Variants in PCIF1 observed in about 807,000 individuals in gnomAD.
The protein encoded by PCIF1 is mRNA (2'-O-methyladenosine-N(6)-)-methyltransferase.
PCIF1 carries 12 observed loss-of-function variants against 86.9 expected under a neutral mutation model. The observed-to-expected ratio is 0.14, with a 90% CI of 0.09 to 0.22. PCIF1 has a LOEUF of 0.22. Ranked by LOEUF, PCIF1 falls within the 10% of genes least tolerant of loss-of-function variation. The pLI, the probability that PCIF1 is intolerant of heterozygous loss-of-function variation, is 1.00. For synonymous variants in PCIF1, 397 were observed against 372.0 expected, an observed-to-expected ratio of 1.07 and a Z score of -0.77; for missense variants, 701 against 951.1, an observed-to-expected ratio of 0.74 and a Z score of 3.46.
Position 45,947,979 on chromosome 20 carries a change from A to T in PCIF1, c.*224A>T. ...CAACCCCGCCCCTCACCCTGTTGCC[A>T]CCTTGTTTCATTTGTAAAAGGAAAT... On this transcript the variant is annotated 3_prime_UTR_variant, in exon 17 of 17. Coordinates refer to ENST00000372409, the MANE Select transcript of PCIF1 (RefSeq NM_022104.4). This position sits in a 1 kb window ranked among gnomAD's most constrained non-coding sequence, Gnocchi z 5.4. The T allele has an allele frequency of 1.3e-6, 2 of 1,525,284 alleles. No individual in the cohort carries two copies. The highest frequency in any genetic ancestry group is 1.8e-6 in the Non-Finnish European group (2 of 1,139,988). The allele number at this position is 1,525,284 out of a possible 1,614,324, so 94.5% of individuals were successfully genotyped here. A position where few individuals can be genotyped will look rare whatever the true frequency, so the allele number is the denominator to read the frequency against.
rs2083448017 is a variant in PCIF1, at chr20:45,939,039, T to A, written c.40T>A (p.Ser14Thr). 6.2e-7 allele frequency: 1 copy of A among 1,613,664 alleles called. No homozygotes were observed. Residue 14 changes from serine to threonine, a missense_variant, in exon 3 of 17, where the codon TCC becomes ACC. Transcript: ENST00000372409. Reference sequence around the variant, plus strand: ...TCACGGCAGCCCCCGGGAGGAAGCGTCCCTGCTGAGTCACTCCCCAGGTAC... The same window carrying A: ...TCACGGCAGCCCCCGGGAGGAAGCGACCCTGCTGAGTCACTCCCCAGGTAC... ...ENHGSPREEA[S>T]LLSHSPGTSN... is the part of the protein sequence containing the mutation.
In PCIF1 at chr20:45,940,501, C is replaced by T. The variant is rs2083459896; in HGVS notation, c.276C>T (p.Thr92=). The change falls in exon 5 of 17, where the codon ACC becomes ACT. Residue 92 remains threonine (T), a synonymous_variant. Transcript: ENST00000372409. ...CGGACCCTTTGGGGCTGAATGCGAC[C>T]CCACTGCCCCAAGACTCAAGCTTGG... The part of the protein sequence containing the change: ...VISDPLGLNA[T]PLPQDSSLVE... The T allele has an allele frequency of 6.2e-7, 1 of 1,607,342 alleles. No homozygotes were observed. The highest frequency in any genetic ancestry group is 8.5e-7 in the Non-Finnish European group (1 of 1,176,634).
intron 2 of PCIF1, among the ~76,000 whole-genome samples, chr20:45,938,492 T>C (rs974048780): frequency 6.6e-6 from 1 of 152,156 alleles, no homozygotes; most frequent in East Asian, 1.9e-4. Context: ...GCTTTGTAAA[T>C]ATTTGCAGAA....
chr20:45,940,782 T>A, intron 5 of PCIF1, 27 bp from the exon 6 acceptor site: 1 of 1,609,792 alleles, frequency 6.2e-7, no homozygotes, highest in Non-Finnish European at 8.5e-7. Flanking sequence ...ATCTCCTGAC[T>A]TGACACCTTT....
intron 5 of PCIF1, 91 bp downstream of exon 5, chr20:45,940,703 C>T (rs966572237): frequency 2.0e-5 from 31 of 1,568,384 alleles, no homozygotes; most frequent in South Asian, 5.9e-5. Flanking sequence ...ATTGGCAGGC[C>T]AGCCAGGAGG....
At chr20:45,941,371 A>G (rs374205124) in intron 7 of PCIF1, among the ~76,000 whole-genome samples, 164 bp downstream of exon 7, 31 of 152,242 alleles carry the variant, frequency 2.0e-4, no homozygotes, top group African/African-American at 6.5e-4. Flanking sequence ...CTTTCAAAAA[A>G]ACAAGAGTAT....
chr20:45,945,139 A>C (rs1600508572), intron 11 of PCIF1, 109 bp downstream of exon 11: 1 of 1,292,386 alleles, frequency 7.7e-7, no homozygotes. Context: ...TTGGGGCAGA[A>C]CCTGCCTGTG....
At chr20:45,941,960 C>CTTTT (rs74176836) in intron 7 of PCIF1, among the ~76,000 whole-genome samples, 3 of 136,668 alleles carry the variant, frequency 2.2e-5, no homozygotes, top group Non-Finnish European at 4.7e-5. Context: ...GGCCTTTCAC[C>CTTTT]TTTTTTTTTT....
rs2083450199 is a variant in PCIF1, at chr20:45,939,267, T to G, written c.177T>G (p.Arg59=). Residue 59 remains arginine (R), a synonymous_variant, in exon 4 of 17, where the codon CGT becomes CGG. Coordinates refer to ENST00000372409, the MANE Select transcript of PCIF1 (RefSeq NM_022104.4). Reference sequence around the variant, plus strand: ...AGTGCTGGAGCCGGAGGGAGAATCGTCCCTACTACTTCAACCGATTCACCA... The same window carrying G: ...AGTGCTGGAGCCGGAGGGAGAATCGGCCCTACTACTTCAACCGATTCACCA... ...WEKCWSRREN[R]PYYFNRFTNQ... The G allele has an allele frequency of 6.2e-7, 1 of 1,613,538 alleles. No homozygotes were observed. Among genetic ancestry groups the G allele is most frequent in the Non-Finnish European group, 8.5e-7 (1 of 1,179,986 alleles).
At chr20:45,938,950 A>T (rs1332307385) in intron 2 of PCIF1, 31 bp from the exon 3 acceptor site, 1 of 1,607,958 alleles carries the variant, frequency 6.2e-7, no homozygotes, top group Non-Finnish European at 8.5e-7. Flanking sequence ...GAGGGGGTGG[A>T]GCTGACACTC....
intron 7 of PCIF1, among the ~76,000 whole-genome samples, chr20:45,941,939 T>C (rs896133785): frequency 1.2e-4 from 18 of 151,386 alleles, no homozygotes; most frequent in African/African-American, 4.4e-4. Flanking sequence ...TGCTCAAATA[T>C]AGAATCCTCT....
At position 45,945,833 on chromosome 20, in the gene PCIF1, C is replaced by T. The variant is rs779288740; in HGVS notation, c.1291C>T (p.Arg431Trp). The stretch of plus-strand genomic sequence containing the variant: ...CATGGAGAACAACGTGGTCTGCATC[C>T]GGTATAAGGGAGAGATGGTCAAGGT... The part of the protein sequence containing the change: ...MHMENNVVCI[R>W]YKGEMVKVSR... Residue 431 changes from arginine (R) to tryptophan (W), a missense_variant, in exon 12 of 17, where the codon CGG becomes TGG. Physicochemically the swap from Arg to Trp is moderately radical, Grantham distance 101. Coordinates refer to ENST00000372409, the MANE Select transcript of PCIF1 (RefSeq NM_022104.4). 14 of 1,613,644 alleles carry T rather than the reference C, an allele frequency of 8.7e-6. No homozygotes were observed. In the East Asian group the frequency reaches 8.9e-5, roughly 10 times the overall value.
Position 45,947,928 on chromosome 20 carries a change from C to T in PCIF1, c.*173C>T, listed in dbSNP as rs1245015409. The T allele has an allele frequency of 1.3e-6, 2 of 1,533,774 alleles. No homozygotes were observed. Among genetic ancestry groups the T allele is most frequent in the East Asian group, 2.4e-5 (1 of 40,866 alleles). ...CTCACCTCAAACTCCCTCCAAGTCC[C>T]ATGTATATAGGTCCTGATGCCTTCC... On this transcript the variant is annotated 3_prime_UTR_variant, in exon 17 of 17. Transcript: ENST00000372409. This position sits in a 1 kb window ranked among gnomAD's most constrained non-coding sequence, Gnocchi z 5.4.
chr20:45,945,048 G>A lies in PCIF1; in HGVS notation c.1168+18G>A. On this transcript the variant is annotated intron_variant, in intron 11 of 16. Transcript: ENST00000372409. ...CATCTCAGGTAGGGGAAAGGTGAAG[G>A]AGGAGCCAGCTGTGATGCCGTCAGC... 6.3e-7 allele frequency: 1 copy of A among 1,582,738 alleles called. No homozygotes were observed. Among genetic ancestry groups the A allele is most frequent in the African/African-American group, 1.4e-5 (1 of 69,064 alleles).
chr20:45,939,653 T>C (rs2083453767), intron 4 of PCIF1, among the ~76,000 whole-genome samples: 2 of 152,188 alleles, frequency 1.3e-5, no homozygotes, highest in African/African-American at 2.4e-5. Flanking sequence ...ATTACACTTG[T>C]GGTCCGTGTA....
Position 45,943,826 on chromosome 20 carries a change from A to AGTG in PCIF1, c.1005+62_1005+63insTGG. ...GGCTCTGTGGCCACTTCCTCCAGGA[A>AGTG]GCCTACTCTGCCTGTCCAGGCTGGG... On this transcript the variant is annotated intron_variant, in intron 10 of 16. Coordinates refer to ENST00000372409, the MANE Select transcript of PCIF1 (RefSeq NM_022104.4). The surrounding 1 kb of genome is among the most constrained non-coding windows in gnomAD (Gnocchi z 5.5). 7.0e-7 allele frequency: 1 copy of AGTG among 1,420,888 alleles called. No homozygotes were observed. Among genetic ancestry groups the AGTG allele is most frequent in the Non-Finnish European group, 9.7e-7 (1 of 1,033,748 alleles). The allele number at this position is 1,420,888 out of a possible 1,614,324, so 88.0% of individuals were successfully genotyped here. A position where few individuals can be genotyped will look rare whatever the true frequency, so the allele number is the denominator to read the frequency against.
intron 1 of PCIF1, among the ~76,000 whole-genome samples, chr20:45,935,199 C>CGA (rs1330647322): frequency 6.7e-6 from 1 of 149,160 alleles, no homozygotes; most frequent in East Asian, 2.0e-4. Flanking sequence ...AAGGTGCGCG[C>CGA]GCGCGCGCGC....
chr20:45,936,951 A>G (rs941722429), intron 1 of PCIF1, among the ~76,000 whole-genome samples: 3 of 152,102 alleles, frequency 2.0e-5, no homozygotes, highest in African/African-American at 4.8e-5. Flanking sequence ...CCAACCAAAC[A>G]AAAAGCTTTA....
intron 1 of PCIF1, among the ~76,000 whole-genome samples, chr20:45,935,952 C>G (rs562359518): frequency 6.6e-6 from 1 of 152,084 alleles, no homozygotes; most frequent in Admixed American, 6.5e-5. Context: ...TTCATCTACC[C>G]GGTGCATCAA....
Sources: allele counts gnomAD v4.1 joint callset (sites outside exome capture counted in the v4.1 genomes callset), GRCh38; gene constraint gnomAD v4.1.1; non-coding constraint Gnocchi (gnomAD v3.1); transcripts MANE v1.5; gene names NCBI Gene and HGNC (gene_info 2026-07-23, HGNC 2026-07-21).